The following RTTN variants were observed in gnomAD, a reference collection of about 807,000 sequenced individuals.
The protein encoded by RTTN is rotatin.
In RTTN, 182 loss-of-function variants were observed where a neutral mutation model predicts 269.2. The ratio of observed to expected loss-of-function variants is 0.68; its 90% confidence interval spans 0.60 to 0.76. The LOEUF (loss-of-function observed/expected upper bound fraction) is 0.76, where lower values mean the gene tolerates loss of function less well. Ranked by LOEUF, RTTN falls within the 30% of genes least tolerant of loss-of-function variation. The probability of loss-of-function intolerance (pLI) is 0.00; values close to 1 mark genes in which losing one functional copy is unlikely to be tolerated. For synonymous variants in RTTN, 1,006 were observed against 963.5 expected (o/e 1.04, Z -0.82); for missense variants, 2,545 against 2,608.6 (o/e 0.98, Z 0.53).
chr18:70,076,244 C>G (rs1223571145), intron 32 of RTTN, among the ~76,000 whole-genome samples: 1 of 151,890 alleles, frequency 6.6e-6, no homozygotes, highest in Non-Finnish European at 1.5e-5. Context: ...TGCAAATAAT[C>G]CTACCATTAG....
intron 10 of RTTN, among the ~76,000 whole-genome samples, chr18:70,180,254 G>C (rs2061393289): frequency 6.6e-6 from 1 of 152,118 alleles, no homozygotes; most frequent in Admixed American, 6.6e-5. Flanking sequence ...CAGCACTTTG[G>C]GAGGCCAAGG....
chr18:70,191,245 T>G (rs1363274491), intron 8 of RTTN, among the ~76,000 whole-genome samples: 1 of 151,742 alleles, frequency 6.6e-6, no homozygotes, highest in Non-Finnish European at 1.5e-5. Flanking sequence ...TGCATCTATA[T>G]TTTGCTTGTC....
At chr18:70,126,381 C>T (rs1176004295) in intron 25 of RTTN, among the ~76,000 whole-genome samples, 2 of 152,004 alleles carry the variant, frequency 1.3e-5, no homozygotes, top group Non-Finnish European at 2.9e-5. Flanking sequence ...TGTTTAAATG[C>T]GGGAGTGTGC....
At chr18:70,066,161 T>C (rs965657786) in intron 34 of RTTN, among the ~76,000 whole-genome samples, 4 of 152,178 alleles carry the variant, frequency 2.6e-5, no homozygotes, top group African/African-American at 9.7e-5. Flanking sequence ...CAGTATTGAC[T>C]TCAGGCCCAT....
rs1042203281 is a variant in RTTN, at chr18:70,149,979, T to C, written c.2164A>G (p.Ile722Val). 25 of 1,599,952 alleles carry C rather than the reference T, an allele frequency of 1.6e-5. No individual in the cohort carries two copies. Among genetic ancestry groups the C allele is most frequent in the Non-Finnish European group, 2.1e-5 (25 of 1,167,380 alleles). ...FIESLCPVIP[I>V]LQGYADTEDP... ...TGAATTTCACAGAATACCTGTAGTA[T>C]TGGGATGACAGGACAGAGAGATTCA... Residue 722 changes from isoleucine (I) to valine (V), a missense_variant, in exon 16 of 49, where the codon ATA (isoleucine) becomes GTA (valine). Coordinates refer to ENST00000640769, the MANE Select transcript of RTTN (RefSeq NM_173630.4).
At chr18:70,091,593 T>A (rs1599486469) in intron 30 of RTTN, 1 of 152,186 alleles carries the variant, frequency 6.6e-6, no homozygotes, top group Non-Finnish European at 1.5e-5. Context: ...ACTTTCAGCT[T>A]CCAAAACTTC....
In RTTN at chr18:70,114,518, T is replaced by C. The variant is rs576828707; in HGVS notation, c.3610A>G (p.Arg1204Gly). The part of the protein sequence containing the change: ...EETDDIRTAV[R>G]QQLQKELIAL... ...ATCAGTTCTTTCTGAAGTTGTTGCC[T>C]GACAGCAGTCCGGATATCATCTGTT... The change falls in exon 27 of 49, where the codon AGG becomes GGG. Residue 1204 changes from arginine (R) to glycine (G), a missense_variant. By Grantham distance (125) the Arg-to-Gly change is moderately radical. Transcript: ENST00000640769. The C allele has an allele frequency of 1.9e-6, 3 of 1,613,736 alleles. No homozygotes were observed. The South Asian group carries it at 3.3e-5, about 18-fold the overall frequency.
intron 40 of RTTN, among the ~76,000 whole-genome samples, chr18:70,040,938 G>T (rs1241527475): frequency 6.6e-6 from 1 of 152,170 alleles, no homozygotes; most frequent in African/African-American, 2.4e-5. Flanking sequence ...TGATAATGGG[G>T]CCAGGTGTGG....
At chr18:70,201,684 ACACAGT>A (rs2146184676) in intron 4 of RTTN, among the ~76,000 whole-genome samples, 1 of 151,532 alleles carries the variant, frequency 6.6e-6, no homozygotes, top group East Asian at 1.9e-4. Context: ...CCATCCATCT[ACACAGT>A]TGTTCAAATA....
intron 10 of RTTN, among the ~76,000 whole-genome samples, chr18:70,183,028 G>A (rs1035868200): frequency 2.6e-5 from 4 of 152,056 alleles, no homozygotes; most frequent in East Asian, 1.9e-4. Flanking sequence ...AAAACTTTAC[G>A]TAAAACTTCC....
chr18:70,087,868 T>C, intron 31 of RTTN, 121 bp downstream of exon 31: 2 of 1,006,802 alleles, frequency 2.0e-6, no homozygotes, highest in Non-Finnish European at 2.9e-6. Context: ...GTTTGGGTGT[T>C]CACAGACAGA....
At chr18:70,046,169 A>G (rs1379804793) in intron 40 of RTTN, among the ~76,000 whole-genome samples, 1 of 152,296 alleles carries the variant, frequency 6.6e-6, no homozygotes. Context: ...AAACAACATT[A>G]AAGAGTTGGG....
intron 16 of RTTN, among the ~76,000 whole-genome samples, chr18:70,149,541 T>A (rs72961856): frequency 0.85 from 125,895 of 147,684 alleles, 55,537 homozygotes; most frequent in East Asian, 0.97. Flanking sequence ...ATTGCTTTTT[T>A]AAAAAAAAAA....
At chr18:70,199,038 T>C (rs971153415) in intron 5 of RTTN, among the ~76,000 whole-genome samples, 8 of 152,158 alleles carry the variant, frequency 5.3e-5, no homozygotes, top group African/African-American at 1.9e-4. Context: ...AATACAAAAA[T>C]TAGCTCAGCG....
Position 70,057,976 on chromosome 18 carries a change from A to G in RTTN, c.4941-144T>C, listed in dbSNP as rs2057866435. 8.7e-6 allele frequency: 5 copies of G among 575,802 alleles called. No individual in the cohort carries two copies. The East Asian group carries it at 1.5e-4, about 17-fold the overall frequency. 35.7% of individuals were successfully genotyped at this position (575,802 alleles called of 1,614,324 possible). ...TATAAGCAAAGAAAATGTTTATAAAAAGATATCTCAAAGAATTTCAAATTG... is the reference window on the plus strand; with the variant it reads ...TATAAGCAAAGAAAATGTTTATAAAGAGATATCTCAAAGAATTTCAAATTG... On this transcript the variant is annotated intron_variant, in intron 36 of 48. Coordinates refer to ENST00000640769, the MANE Select transcript of RTTN (RefSeq NM_173630.4).
At chr18:70,143,422 A>G (rs997012422) in intron 18 of RTTN, among the ~76,000 whole-genome samples, 1 of 152,232 alleles carries the variant, frequency 6.6e-6, no homozygotes, top group Non-Finnish European at 1.5e-5. Flanking sequence ...GCCCTAAAAA[A>G]GGACGAGATC....
intron 16 of RTTN, among the ~76,000 whole-genome samples, chr18:70,149,692 G>T (rs1477641750): frequency 6.6e-6 from 1 of 152,006 alleles, no homozygotes; most frequent in Non-Finnish European, 1.5e-5. Context: ...CTTTATATAA[G>T]GTTGAGTTCT....
In RTTN at chr18:70,205,122, C is replaced by T; in HGVS notation, c.219+6G>A. ...GATTATTTTCTTTATTTCAAAATGA[C>T]CCTACCTTAACCAATCTGCTTAACA... On this transcript the variant is annotated splice_donor_region_variant and intron_variant, in intron 2 of 48. Coordinates refer to ENST00000640769, the MANE Select transcript of RTTN (RefSeq NM_173630.4). The T allele has an allele frequency of 6.2e-7, 1 of 1,612,396 alleles. No individual in the cohort carries two copies. The highest frequency in any genetic ancestry group is 8.5e-7 in the Non-Finnish European group (1 of 1,178,816).
chr18:70,188,439 T>A (rs902731496), intron 9 of RTTN, among the ~76,000 whole-genome samples: 25 of 152,270 alleles, frequency 1.6e-4, no homozygotes, highest in African/African-American at 6.0e-4. Context: ...ACAAATCAAA[T>A]ACATTTATAA....
Sources: allele counts gnomAD v4.1 joint callset (sites outside exome capture counted in the v4.1 genomes callset), GRCh38; gene constraint gnomAD v4.1.1; transcripts MANE v1.5; gene names NCBI Gene and HGNC (gene_info 2026-07-23, HGNC 2026-07-21).